The following EIF4G1 variants were observed in gnomAD, a reference collection of about 807,000 sequenced individuals.
The protein encoded by EIF4G1 is eukaryotic translation initiation factor 4 gamma 1.
EIF4G1 carries 4 observed loss-of-function variants against 187.8 expected under a neutral mutation model. That is an observed-to-expected ratio of 0.02 (90% CI 0.01 to 0.05). The LOEUF is 0.05. Ranked by LOEUF, EIF4G1 falls within the 10% of genes least tolerant of loss-of-function variation. EIF4G1 has a pLI of 1.00. For missense variants in EIF4G1, 1,647 were observed against 2,081.1 expected (o/e 0.79, Z 4.06); for synonymous variants, 844 against 781.4 (o/e 1.08, Z -1.34).
chr3:184,316,213 C>T lies in EIF4G1; in HGVS notation c.142C>T (p.Arg48Cys), dbSNP rs1041482212. 1.9e-6 allele frequency: 3 copies of T among 1,614,024 alleles called. No individual in the cohort carries two copies. The highest frequency in any genetic ancestry group is 2.5e-6 in the Non-Finnish European group (3 of 1,180,004). Residue 48 changes from arginine (R) to cysteine (C), a missense_variant, in exon 4 of 33, where the codon CGC becomes TGC. By Grantham distance (180) the Arg-to-Cys change is radical (BLOSUM62 -3). This residue lies in a region of EIF4G1 where 139 missense variants were observed against 187.3 expected (regional missense o/e 0.74). Transcript: ENST00000346169. ...ATQMNTPSQP[R>C]QHFYPSRAQP... is the part of the protein sequence containing the mutation. ...ACAAATGAACACGCCTTCTCAGCCC[C>T]GCCAGGTGAGGGGCTGTGGGGAGGG...
Position 184,321,560 on chromosome 3 carries a change from G to A in EIF4G1, c.976G>A (p.Glu326Lys), listed in dbSNP as rs1723909740. 1 of 1,614,084 alleles carries A rather than the reference G, an allele frequency of 6.2e-7. No homozygotes were observed. Among genetic ancestry groups the A allele is most frequent in the African/African-American group, 1.3e-5 (1 of 74,926 alleles). The change falls in exon 10 of 33, where the codon GAA (glutamate) becomes AAA (lysine). Residue 326 changes from glutamate (E) to lysine (K), a missense_variant. By Grantham distance (56) the Glu-to-Lys change is moderately conservative. Coordinates refer to ENST00000346169, the MANE Select transcript of EIF4G1 (RefSeq NM_198241.3). ...CACTCCTCTCGCCGAACCCATACTG[G>A]AAGTAGAAGTGACACTTAGCAAACC... Reference protein sequence around the residue: ...EPTPLAEPILEVEVTLSKPVP... With the variant: ...EPTPLAEPILKVEVTLSKPVP...
At chr3:184,331,688 C>T (rs1726140165) in intron 30 of EIF4G1, 40 bp from the exon 31 acceptor site, 1 of 1,613,892 alleles carries the variant, frequency 6.2e-7, no homozygotes, top group African/African-American at 1.3e-5. Flanking sequence ...ACTGAAGGGC[C>T]CAATTCAGAA....
chr3:184,322,279 C>A, intron 10 of EIF4G1, 83 bp from the exon 11 acceptor site: 1 of 1,532,972 alleles, frequency 6.5e-7, no homozygotes, highest in Non-Finnish European at 8.9e-7. Flanking sequence ...TGTTCTTTGG[C>A]TGCTTTCTAT....
In EIF4G1 at chr3:184,335,343, A is replaced by G. The variant is rs1046608514; in HGVS notation, c.*435A>G. ...ACGGTGCCTGTAATTATTAAACATG[A>G]ATTCAATTAAGCTCACTGCCTTTCT... is the stretch of plus-strand genomic sequence containing the variant. On this transcript the variant is annotated 3_prime_UTR_variant, in exon 33 of 33. Coordinates refer to ENST00000346169, the MANE Select transcript of EIF4G1 (RefSeq NM_198241.3). The G allele has an allele frequency of 4.5e-6, 1 of 220,578 alleles. No homozygotes were observed. Among genetic ancestry groups the G allele is most frequent in the African/African-American group, 2.3e-5 (1 of 43,698 alleles). The allele number at this position is 220,578 out of a possible 1,614,324, so 13.7% of individuals were successfully genotyped here.
chr3:184,315,736 T>C, intron 2 of EIF4G1, 27 bp from the exon 3 acceptor site: 2 of 1,533,144 alleles, frequency 1.3e-6, no homozygotes, highest in Admixed American at 2.0e-5. Flanking sequence ...TCCCTTCCTC[T>C]TCCTGAGCGC....
chr3:184,334,680 G>A lies in EIF4G1; in HGVS notation c.4619-47G>A. ...GGGAGGGTTCCCTGGGGTGGGCTGG[G>A]GTGGCGGTGGCCAGTCACCTCTAAC... On this transcript the variant is annotated intron_variant, in intron 32 of 32. Coordinates refer to ENST00000346169, the MANE Select transcript of EIF4G1 (RefSeq NM_198241.3). The surrounding 1 kb of genome is among the most constrained non-coding windows in gnomAD (Gnocchi z 5.8). 2 of 1,612,882 alleles carry A rather than the reference G, an allele frequency of 1.2e-6. No homozygotes were observed. The highest frequency in any genetic ancestry group is 2.2e-5 in the East Asian group (1 of 44,862).
rs1246719099 is a variant in EIF4G1 at position 184,320,693 on chromosome 3, C to T, written c.601C>T (p.Arg201Cys). Residue 201 changes from arginine to cysteine, a missense_variant, in exon 8 of 33, where the codon CGC (arginine) becomes TGC (cysteine). Arg to Cys is a radical substitution (Grantham distance 180). Coordinates refer to ENST00000346169, the MANE Select transcript of EIF4G1 (RefSeq NM_198241.3). ...CACAGAGGAGATCATGTCTGGGGCC[C>T]GCACTGCCTCCACACCCACCCCTCC... is the stretch of plus-strand genomic sequence containing the variant. ...DITEEIMSGA[R>C]TASTPTPPQT... 4 of 1,614,022 alleles carry T rather than the reference C, an allele frequency of 2.5e-6. No homozygotes were observed. The highest frequency in any genetic ancestry group is 1.3e-5 in the African/African-American group (1 of 74,900).
At chr3:184,333,157 C>A (rs530677597) in intron 32 of EIF4G1, among the ~76,000 whole-genome samples, 1 of 151,834 alleles carries the variant, frequency 6.6e-6, no homozygotes. Context: ...GGGAGGGGGC[C>A]GTGAGAGATT....
At chr3:184,324,741 A>T in intron 17 of EIF4G1, 137 bp from the exon 18 acceptor site, 1 of 943,166 alleles carries the variant, frequency 1.1e-6, no homozygotes, top group Admixed American at 1.7e-5. Context: ...ATGGGATTAC[A>T]GGCATGAGCC....
At position 184,334,590 on chromosome 3, in the gene EIF4G1, GTCAC is replaced by G; in HGVS notation, c.4619-134_4619-131del. Reference sequence around the variant, plus strand: ...AGATTAGCATCCTGTCAGAGGCCTAGTCACTCTGGAATGGCCACAAATGTCAGGC... The same window carrying G: ...AGATTAGCATCCTGTCAGAGGCCTAGTCTGGAATGGCCACAAATGTCAGGC... On this transcript the variant is annotated intron_variant, in intron 32 of 32. Coordinates refer to ENST00000346169, the MANE Select transcript of EIF4G1 (RefSeq NM_198241.3). The surrounding 1 kb of genome is among the most constrained non-coding windows in gnomAD (Gnocchi z 5.8). 1.0e-6 allele frequency: 1 copy of G among 965,488 alleles called. No homozygotes were observed. The highest frequency in any genetic ancestry group is 1.6e-6 in the Non-Finnish European group (1 of 616,062). 59.8% of individuals were successfully genotyped at this position (965,488 alleles called of 1,614,324 possible).
At position 184,328,925 on chromosome 3, in the gene EIF4G1, C is replaced by T. The variant is rs1725496717; in HGVS notation, c.4096C>T (p.Leu1366=). The T allele has an allele frequency of 6.2e-7, 1 of 1,614,180 alleles. No homozygotes were observed. The highest frequency in any genetic ancestry group is 8.5e-7 in the Non-Finnish European group (1 of 1,180,044). The change falls in exon 28 of 33, where the codon CTG becomes TTG. Residue 1366 remains leucine (L), a synonymous_variant. Transcript: ENST00000346169. ...TTCTTGTAGGGAGATTACAAAGCCT[C>T]TGAGACCGTTGGGCAAAGCTGCTTC... The part of the protein sequence containing the change: ...GELFREITKP[L]RPLGKAASLL...
Position 184,322,584 on chromosome 3 carries a change from C to T in EIF4G1, c.1649C>T (p.Ala550Val). 6.2e-7 allele frequency: 1 copy of T among 1,614,200 alleles called. No individual in the cohort carries two copies. Among genetic ancestry groups the T allele is most frequent in the Non-Finnish European group, 8.5e-7 (1 of 1,180,040 alleles). Residue 550 changes from alanine (A) to valine (V), a missense_variant, in exon 12 of 33, where the codon GCA becomes GTA. By Grantham distance (64) the Ala-to-Val change is moderately conservative. Coordinates refer to ENST00000346169, the MANE Select transcript of EIF4G1 (RefSeq NM_198241.3). Reference protein sequence around the residue: ...AVPEVENQPPAGSNPGPESEG... With the variant: ...AVPEVENQPPVGSNPGPESEG... ...CCAGAGGTGGAAAATCAGCCTCCTGCAGGCAGCAATCCAGGCCCAGAGTCT... is the reference window on the plus strand; with the variant it reads ...CCAGAGGTGGAAAATCAGCCTCCTGTAGGCAGCAATCCAGGCCCAGAGTCT...
At chr3:184,321,250 TTAGTTGCTC>T (rs1723859995) in intron 9 of EIF4G1, 23 bp from the exon 10 acceptor site, 1 of 1,613,778 alleles carries the variant, frequency 6.2e-7, no homozygotes, top group East Asian at 2.2e-5. Flanking sequence ...GCACTTGCCT[TTAGTTGCTC>T]ATTCTTCCTT....
chr3:184,335,309 A>G lies in EIF4G1; in HGVS notation c.*401A>G, dbSNP rs1283349719. ...CCCTGCTGTTGCCTGGGCAGGGGGA[A>G]GGGGGGGCACGGTGCCTGTAATTAT... On this transcript the variant is annotated 3_prime_UTR_variant, in exon 33 of 33. Coordinates refer to ENST00000346169, the MANE Select transcript of EIF4G1 (RefSeq NM_198241.3). 4.1e-6 allele frequency: 1 copy of G among 241,942 alleles called. No individual in the cohort carries two copies. The highest frequency in any genetic ancestry group is 2.2e-5 in the African/African-American group (1 of 44,650). The allele number at this position is 241,942 out of a possible 1,614,324, so 15.0% of individuals were successfully genotyped here.
At chr3:184,319,400 G>T (rs1318020724) in intron 6 of EIF4G1, among the ~76,000 whole-genome samples, 4 of 151,320 alleles carry the variant, frequency 2.6e-5, no homozygotes, top group Admixed American at 6.6e-5. Context: ...CTGGTGTGTG[G>T]TAGGAAAGAG....
In EIF4G1 at chr3:184,322,744, A is replaced by G. The variant is rs764264436; in HGVS notation, c.1795+14A>G. ...AATATAAGTCAGGTATGCTGAAGAA[A>G]GGGTTGAGAATGGCTTGAGTTTTCT... On this transcript the variant is annotated intron_variant, in intron 12 of 32. Coordinates refer to ENST00000346169, the MANE Select transcript of EIF4G1 (RefSeq NM_198241.3). The G allele has an allele frequency of 7.4e-6, 12 of 1,614,098 alleles. No individual in the cohort carries two copies. The Admixed American group carries it at 1.8e-4, about 25-fold the overall frequency.
rs758719197 is a variant in EIF4G1, at chr3:184,321,535, C to T, written c.951C>T (p.Pro317=). 2.6e-5 allele frequency: 42 copies of T among 1,614,060 alleles called. No homozygotes were observed. The highest frequency in any genetic ancestry group is 3.2e-5 in the Non-Finnish European group (38 of 1,180,034). The change falls in exon 10 of 33, where the codon CCC becomes CCT. Residue 317 remains proline (P), a synonymous_variant. Coordinates refer to ENST00000346169, the MANE Select transcript of EIF4G1 (RefSeq NM_198241.3). ...TGEPYRLSPE[P]TPLAEPILEV... is the part of the protein sequence containing the mutation. ...AGCCATATCGCCTCTCTCCAGAACC[C>T]ACTCCTCTCGCCGAACCCATACTGG...
At position 184,327,655 on chromosome 3, in the gene EIF4G1, A is replaced by G; in HGVS notation, c.3731A>G (p.Lys1244Arg). The G allele has an allele frequency of 2.5e-6, 4 of 1,614,220 alleles. No individual in the cohort carries two copies. The highest frequency in any genetic ancestry group is 3.4e-6 in the Non-Finnish European group (4 of 1,180,030). ...KAALSEEELE[K>R]KSKAIIEEYL... is the part of the protein sequence containing the mutation. Reference sequence around the variant, plus strand: ...GCTCTCTCTGAGGAGGAGTTAGAGAAGAAATCCAAGGCTATCATTGAGGAA... The same window carrying G: ...GCTCTCTCTGAGGAGGAGTTAGAGAGGAAATCCAAGGCTATCATTGAGGAA... Residue 1244 changes from lysine (K) to arginine (R), a missense_variant, in exon 25 of 33, where the codon AAG becomes AGG. By Grantham distance (26) the Lys-to-Arg change is conservative (BLOSUM62 2). This residue lies in a region of EIF4G1 where 543 missense variants were observed against 638.0 expected (regional missense o/e 0.85). Transcript: ENST00000346169.
At chr3:184,328,285 G>A (rs1274998260) in intron 26 of EIF4G1, 7 of 485,106 alleles carry the variant, frequency 1.4e-5, no homozygotes, top group South Asian at 2.0e-5. Context: ...CCAGCTACTC[G>A]GAGGCTGAGG....
Sources: allele counts gnomAD v4.1 joint callset (sites outside exome capture counted in the v4.1 genomes callset), GRCh38; gene constraint gnomAD v4.1.1; regional missense constraint gnomAD v4.1.1; non-coding constraint Gnocchi (gnomAD v3.1); transcripts MANE v1.5; gene names NCBI Gene and HGNC (gene_info 2026-07-23, HGNC 2026-07-21).